The following FCRL5 variants were observed in gnomAD, a reference collection of about 807,000 sequenced individuals.
FCRL5 encodes Fc receptor like 5.
FCRL5 carries 79 observed loss-of-function variants against 92.1 expected under a neutral mutation model. The ratio of observed to expected loss-of-function variants is 0.86; its 90% CI spans 0.72 to 1.03. The LOEUF (loss-of-function observed/expected upper bound fraction) is 1.03. FCRL5 is among the 50% of genes least tolerant of loss of function. FCRL5 has a pLI of 0.00. For synonymous variants in FCRL5, 466 were observed against 469.3 expected (o/e 0.99, Z 0.09); for missense variants, 1,160 against 1,181.1 (o/e 0.98, Z 0.26).
At position 157,542,970 on chromosome 1, in the gene FCRL5, C is replaced by G. The variant is rs1402657143; in HGVS notation, c.1012G>C (p.Gly338Arg). The G allele has an allele frequency of 1.2e-6, 2 of 1,614,170 alleles. No homozygotes were observed. Among genetic ancestry groups the G allele is most frequent in the South Asian group, 2.2e-5 (2 of 91,082 alleles). Reference protein sequence around the residue: ...LRHKSVRCERGASISFSLTTE... With the variant: ...LRHKSVRCERRASISFSLTTE... ...GTCAGTGAGAAGCTGATGGATGCTC[C>G]CCTTTCACAGCGGACTGACTTGTGC... The change falls in exon 6 of 17, where the codon GGA becomes CGA. Residue 338 changes from glycine (G) to arginine (R), a missense_variant. Transcript: ENST00000361835.
Position 157,541,537 on chromosome 1 carries a change from A to G in FCRL5, c.1123+1322T>C, listed in dbSNP as rs564472250. ...CGACTGCCCCTCCAGTTCCTGGAAC[A>G]TGCCTTCCCTCCCTCACCACAATCC... On this transcript the variant is annotated intron_variant, in intron 6 of 16. Coordinates refer to ENST00000361835, the MANE Select transcript of FCRL5 (RefSeq NM_031281.3). Among the ~76,000 whole-genome samples, 7 of 152,330 alleles carry G rather than the reference A, an allele frequency of 4.6e-5. No individual in the cohort carries two copies. The East Asian group carries it at 1.4e-3, about 29-fold the overall frequency.
At chr1:157,518,094 ACT>A (rs1451304713) in intron 15 of FCRL5, among the ~76,000 whole-genome samples, 1 of 152,150 alleles carries the variant, frequency 6.6e-6, no homozygotes, top group East Asian at 1.9e-4. Flanking sequence ...AGTTTATGGT[ACT>A]CTGTTACAGG....
chr1:157,521,359 C>A, intron 10 of FCRL5, 67 bp from the exon 11 acceptor site: 1 of 1,497,360 alleles, frequency 6.7e-7, no homozygotes, highest in Non-Finnish European at 8.9e-7. Context: ...CAAAAGGTAT[C>A]ATAAACAAAT....
At chr1:157,540,502 A>G (rs1314468387) in intron 6 of FCRL5, among the ~76,000 whole-genome samples, 1 of 151,646 alleles carries the variant, frequency 6.6e-6, no homozygotes, top group African/African-American at 2.4e-5. Flanking sequence ...CACCATTTGC[A>G]TGTGTTTAAC....
At chr1:157,520,357 G>T in intron 12 of FCRL5, 74 bp downstream of exon 12, 1 of 1,059,944 alleles carries the variant, frequency 9.4e-7, no homozygotes, top group Non-Finnish European at 1.4e-6. Context: ...TGGTCACAAA[G>T]GCAGCATGAA....
intron 9 of FCRL5, among the ~76,000 whole-genome samples, chr1:157,526,726 T>C (rs1036253762): frequency 6.6e-6 from 1 of 151,552 alleles, no homozygotes; most frequent in Non-Finnish European, 1.5e-5. Context: ...GTGGAGGGGG[T>C]TATTGTCTAG....
intron 7 of FCRL5, among the ~76,000 whole-genome samples, chr1:157,536,024 C>T (rs1650954884): frequency 7.0e-6 from 1 of 143,596 alleles, no homozygotes; most frequent in East Asian, 2.2e-4. Flanking sequence ...TCACTGCAAA[C>T]TTTGCCTCCC....
intron 7 of FCRL5, among the ~76,000 whole-genome samples, chr1:157,536,286 C>T (rs541280375): frequency 6.6e-6 from 1 of 152,242 alleles, no homozygotes; most frequent in Non-Finnish European, 1.5e-5. Context: ...TTTGCCTTAT[C>T]CAAACTGGCT....
chr1:157,525,564 A>G (rs758250992), intron 9 of FCRL5, among the ~76,000 whole-genome samples: 8 of 152,206 alleles, frequency 5.3e-5, no homozygotes, highest in Non-Finnish European at 8.8e-5. Flanking sequence ...CCCTTTTAAA[A>G]GACCATTTTG....
In FCRL5 at chr1:157,534,898, G is replaced by T. The variant is rs962921908; in HGVS notation, c.1403-6C>A. 4 of 1,519,954 alleles carry T rather than the reference G, an allele frequency of 2.6e-6. No homozygotes were observed. The highest frequency in any genetic ancestry group is 2.2e-5 in the Admixed American group (1 of 44,806). 94.2% of individuals were successfully genotyped at this position (1,519,954 alleles called of 1,614,324 possible). ...GACAGGATGAGACACAGGGACTGAGGAAGAGAAAGATTGAATCAAGAGTTG... is the reference window on the plus strand; with the variant it reads ...GACAGGATGAGACACAGGGACTGAGTAAGAGAAAGATTGAATCAAGAGTTG... On this transcript the variant is annotated splice_polypyrimidine_tract_variant and splice_region_variant and intron_variant, in intron 7 of 16. Coordinates refer to ENST00000361835, the MANE Select transcript of FCRL5 (RefSeq NM_031281.3).
Position 157,515,583 on chromosome 1 carries a change from C to A in FCRL5, c.*92G>T. The A allele has an allele frequency of 1.2e-6, 2 of 1,612,700 alleles. No individual in the cohort carries two copies. Among genetic ancestry groups the A allele is most frequent in the South Asian group, 1.1e-5 (1 of 90,638 alleles). ...AAAGGCCAGTAGATATGGTCTGGGG[C>A]AGCCTAAATCTTCCCACTTCAATGC... On this transcript the variant is annotated 3_prime_UTR_variant, in exon 17 of 17. Transcript: ENST00000361835.
At chr1:157,549,635 A>G in intron 1 of FCRL5, 55 bp from the exon 2 acceptor site, 1 of 1,564,082 alleles carries the variant, frequency 6.4e-7, no homozygotes, top group Non-Finnish European at 8.7e-7. Context: ...TTTTGTTTTA[A>G]GAAGATAATT....
chr1:157,538,510 C>T (rs1045705027), intron 7 of FCRL5, among the ~76,000 whole-genome samples: 3 of 152,202 alleles, frequency 2.0e-5, no homozygotes, highest in Non-Finnish European at 4.4e-5. Flanking sequence ...TTAAGCCAAG[C>T]AAGTAGAGGT....
At position 157,515,720 on chromosome 1, in the gene FCRL5, C is replaced by T. The variant is rs577896374; in HGVS notation, c.2889G>A (p.Pro963=). The T allele has an allele frequency of 4.2e-5, 67 of 1,601,504 alleles. No homozygotes were observed. The highest frequency in any genetic ancestry group is 2.0e-4 in the African/African-American group (15 of 73,982). Residue 963 remains proline (P), a synonymous_variant, in exon 17 of 17, where the codon CCG becomes CCA. Coordinates refer to ENST00000361835, the MANE Select transcript of FCRL5 (RefSeq NM_031281.3). ...IYSEVKVAST[P]VSGSLFLASS... Reference sequence around the variant, plus strand: ...AAGCCAAGAACAGGGATCCGGAAACCGGGGTTGACGCCACCTTAACTTCAG... The same window carrying T: ...AAGCCAAGAACAGGGATCCGGAAACTGGGGTTGACGCCACCTTAACTTCAG...
intron 8 of FCRL5, among the ~76,000 whole-genome samples, chr1:157,530,353 T>C (rs1026416857): frequency 3.9e-5 from 6 of 152,188 alleles, no homozygotes; most frequent in Non-Finnish European, 8.8e-5. Flanking sequence ...ATTTTGGAAA[T>C]ATATTACCTG....
At chr1:157,548,878 G>A (rs1362081746) in intron 2 of FCRL5, among the ~76,000 whole-genome samples, 3 of 152,182 alleles carry the variant, frequency 2.0e-5, no homozygotes, top group South Asian at 2.1e-4. Flanking sequence ...TCAGTGTGGC[G>A]ATTCCTCAGG....
In FCRL5 at chr1:157,513,947, A is replaced by G. The variant is rs1321633394; in HGVS notation, c.*1728T>C. The G allele has an allele frequency of 6.6e-6, 1 of 152,150 alleles. No individual in the cohort carries two copies. The highest frequency in any genetic ancestry group is 1.5e-5 in the Non-Finnish European group (1 of 68,050). 9.4% of individuals were successfully genotyped at this position (152,150 alleles called of 1,614,324 possible). ...AATGCATTTCTCTTGCTCCACGTCT[A>G]TTTTAGTTGCATATCTGTAGTGATG... is the stretch of plus-strand genomic sequence containing the variant. On this transcript the variant is annotated 3_prime_UTR_variant, in exon 17 of 17. Coordinates refer to ENST00000361835, the MANE Select transcript of FCRL5 (RefSeq NM_031281.3).
chr1:157,546,859 T>A (rs1043644688), intron 3 of FCRL5, 84 bp downstream of exon 3: 1 of 1,507,306 alleles, frequency 6.6e-7, no homozygotes, highest in African/African-American at 1.4e-5. Context: ...TCATGAAGGG[T>A]CTGAGGTAAA....
chr1:157,539,450 A>T, intron 6 of FCRL5, 86 bp from the exon 7 acceptor site: 1 of 1,292,342 alleles, frequency 7.7e-7, no homozygotes, highest in Non-Finnish European at 1.1e-6. Context: ...GGGAACCCCA[A>T]ATCACTAAGC....
Sources: gnomAD v4.1 joint callset for allele counts (sites outside exome capture counted in the v4.1 genomes callset) on GRCh38, gnomAD v4.1.1 for gene constraint, MANE v1.5 for transcripts, NCBI Gene and HGNC (gene_info 2026-07-23, HGNC 2026-07-21) for gene names.